The following CCDC3 variants were observed in gnomAD, a reference collection of about 807,000 sequenced individuals.
CCDC3 encodes coiled-coil domain containing 3, also known as coiled-coil domain-containing protein 3.
CCDC3 carries 24 observed loss-of-function variants against 21.4 expected under a neutral mutation model. The ratio of observed to expected loss-of-function variants is 1.12; its 90% CI spans 0.81 to 1.58. The LOEUF is 1.58. Among genes scored for constraint, CCDC3 ranks in the 40% most tolerant of loss-of-function variants. CCDC3 has a pLI of 0.00. For synonymous variants in CCDC3, 186 were observed against 166.0 expected (o/e 1.12, Z -0.93); for missense variants, 425 against 360.9 (o/e 1.18, Z -1.44).
chr10:12,934,544 T>C (rs1834704127), intron 2 of CCDC3, among the ~76,000 whole-genome samples: 1 of 152,166 alleles, frequency 6.6e-6, no homozygotes, highest in Admixed American at 6.5e-5. Context: ...GATAGAGGGG[T>C]TTTGATGTCT....
intron 5 of CCDC3, among the ~76,000 whole-genome samples, chr10:13,007,416 A>C (rs112664522): frequency 2.6e-5 from 4 of 152,330 alleles, no homozygotes; most frequent in African/African-American, 9.6e-5. Context: ...TTATACTCTC[A>C]AACGCATCAA....
intron 2 of CCDC3, among the ~76,000 whole-genome samples, chr10:12,943,279 C>T (rs1288577424): frequency 6.6e-6 from 1 of 152,106 alleles, no homozygotes; most frequent in East Asian, 1.9e-4. Flanking sequence ...TAAGCACCCC[C>T]CCGCAAACGA....
At chr10:13,063,677 C>G (rs1373226839) in intron 4 of CCDC3, among the ~76,000 whole-genome samples, 3 of 152,204 alleles carry the variant, frequency 2.0e-5, no homozygotes, top group Admixed American at 2.0e-4. Context: ...TGTACCACCT[C>G]TCTACAAACT....
chr10:12,991,887 A>G (rs1047663492), intron 2 of CCDC3, among the ~76,000 whole-genome samples: 1 of 152,180 alleles, frequency 6.6e-6, no homozygotes, highest in Non-Finnish European at 1.5e-5. Context: ...AATCCTTATT[A>G]TGGACAAAGG....
intron 2 of CCDC3, among the ~76,000 whole-genome samples, chr10:12,961,551 A>G (rs1393011675): frequency 1.3e-5 from 2 of 152,146 alleles, no homozygotes; most frequent in Non-Finnish European, 2.9e-5. Context: ...TGGCATAAAC[A>G]ATTTTCCCCG....
intron 4 of CCDC3, among the ~76,000 whole-genome samples, chr10:13,063,646 G>A (rs557957964): frequency 1.6e-3 from 246 of 152,248 alleles, no homozygotes; most frequent in African/African-American, 5.4e-3. Context: ...GTCGCCTAGC[G>A]CCAGAGTCTG....
chr10:13,079,675 T>C (rs903767910), intron 3 of CCDC3, among the ~76,000 whole-genome samples: 5 of 152,148 alleles, frequency 3.3e-5, no homozygotes, highest in South Asian at 2.1e-4. Flanking sequence ...TAGGGGAAGA[T>C]TAAACATCAC....
chr10:12,984,117 A>G (rs1325923270), intron 2 of CCDC3, among the ~76,000 whole-genome samples: 1 of 152,216 alleles, frequency 6.6e-6, no homozygotes, highest in Non-Finnish European at 1.5e-5. Flanking sequence ...CAGTGAAAAG[A>G]CAGCACACAC....
intron 2 of CCDC3, among the ~76,000 whole-genome samples, chr10:12,907,577 G>C (rs1004685447): frequency 1.3e-5 from 2 of 152,196 alleles, no homozygotes; most frequent in East Asian, 3.9e-4. Flanking sequence ...CCGAGAGGAG[G>C]AGTTGGCAGT....
At chr10:13,011,198 A>C (rs1835980324) in intron 5 of CCDC3, among the ~76,000 whole-genome samples, 1 of 151,044 alleles carries the variant, frequency 6.6e-6, no homozygotes, top group African/African-American at 2.4e-5. Context: ...AAAAAAAAAA[A>C]AACCTGTGAC....
At chr10:12,997,363 CCA>C (rs1397045337) in intron 2 of CCDC3, among the ~76,000 whole-genome samples, 2 of 152,206 alleles carry the variant, frequency 1.3e-5, no homozygotes, top group African/African-American at 4.8e-5. Flanking sequence ...GGTCACAGCC[CCA>C]GAGGCCTAGA....
At chr10:12,959,040 C>T (rs1014915248) in intron 2 of CCDC3, among the ~76,000 whole-genome samples, 2 of 152,152 alleles carry the variant, frequency 1.3e-5, no homozygotes, top group African/African-American at 2.4e-5. Context: ...TAGCAGGTGT[C>T]GCCACATAGG....
rs553106040 is a variant in CCDC3, at chr10:13,088,117, T to G, written c.-503+10408A>C. Among the ~76,000 whole-genome samples, 218 of 152,296 alleles carry G rather than the reference T, an allele frequency of 1.4e-3. 1 individual carries two copies. In the Middle Eastern group the frequency reaches 0.02, roughly 14 times the overall value. ...GGATGCAGTGAACAGCCTGCACAAC[T>G]GTACACAGCCGCCCCAGTCAAATCC... On this transcript the variant is annotated intron_variant, in intron 3 of 6. Transcript: ENST00000378839.
chr10:13,066,974 C>T (rs1228928732), intron 4 of CCDC3, among the ~76,000 whole-genome samples: 1 of 152,182 alleles, frequency 6.6e-6, no homozygotes, highest in African/African-American at 2.4e-5. Flanking sequence ...CCAGTTTTAG[C>T]TGAACTAAGG....
At chr10:13,030,376 A>C (rs1222422190) in intron 5 of CCDC3, among the ~76,000 whole-genome samples, 1 of 152,216 alleles carries the variant, frequency 6.6e-6, no homozygotes, top group African/African-American at 2.4e-5. Flanking sequence ...GGTACCACCC[A>C]CTGCAAAAAC....
chr10:13,094,918 A>T (rs1832613085), intron 3 of CCDC3, among the ~76,000 whole-genome samples: 1 of 152,004 alleles, frequency 6.6e-6, no homozygotes, highest in Non-Finnish European at 1.5e-5. Flanking sequence ...AGCACAGCAC[A>T]CACACCGTGA....
intron 2 of CCDC3, among the ~76,000 whole-genome samples, chr10:12,917,083 ACTTCCCTTAC>A (rs1834368798): frequency 6.6e-6 from 1 of 151,004 alleles, no homozygotes; most frequent in African/African-American, 2.4e-5. Flanking sequence ...TCCAGAGCTC[ACTTCCCTTAC>A]CTTCCCCCAA....
At chr10:13,011,112 C>T (rs575090372) in intron 5 of CCDC3, among the ~76,000 whole-genome samples, 30 of 148,326 alleles carry the variant, frequency 2.0e-4, no homozygotes, top group Non-Finnish European at 2.7e-4. Context: ...ACCTGGGAGG[C>T]AGAAGTTGCA....
intron 4 of CCDC3, among the ~76,000 whole-genome samples, chr10:13,061,435 T>C (rs918995785): frequency 6.6e-6 from 1 of 152,214 alleles, no homozygotes; most frequent in African/African-American, 2.4e-5. Context: ...TCTGGTCTTG[T>C]GTGGACGAAA....
Sources: gnomAD v4.1 joint callset for allele counts (sites outside exome capture counted in the v4.1 genomes callset) on GRCh38, gnomAD v4.1.1 for gene constraint, MANE v1.5 for transcripts, NCBI Gene and HGNC (gene_info 2026-07-23, HGNC 2026-07-21) for gene names.